Variants in CELSR1 observed in about 807,000 individuals in gnomAD.
CELSR1 encodes the protein cadherin EGF LAG seven-pass G-type receptor 1, also known as adhesion G protein-coupled receptor C1.
CELSR1 carries 110 observed loss-of-function variants against 249.1 expected under a neutral mutation model. The observed-to-expected ratio is 0.44, with a 90% CI of 0.38 to 0.52. The LOEUF is 0.52. Ranked by LOEUF, CELSR1 falls within the 20% of genes least tolerant of loss-of-function variation. CELSR1 has a pLI of 0.00. For synonymous variants in CELSR1, 2,113 were observed against 1,900.0 expected, an observed-to-expected ratio of 1.11 and a Z score of -2.92; for missense variants, 4,109 against 4,296.4, an observed-to-expected ratio of 0.96 and a Z score of 1.22.
At position 46,441,790 on chromosome 22, in the gene CELSR1, G is replaced by T. The variant is rs2079752970; in HGVS notation, c.4184-2379C>A. Among the ~76,000 whole-genome samples the T allele has an allele frequency of 6.6e-6, 1 of 152,204 alleles. No individual in the cohort carries two copies. Among genetic ancestry groups the T allele is most frequent in the Non-Finnish European group, 1.5e-5 (1 of 68,040 alleles). Reference sequence around the variant, plus strand: ...ATTTATGAGGGCACCATTCTGTCCAGAGCAGATATGTATGAGACAACTGGC... The same window carrying T: ...ATTTATGAGGGCACCATTCTGTCCATAGCAGATATGTATGAGACAACTGGC... On this transcript the variant is annotated intron_variant, in intron 2 of 34. Transcript: ENST00000674500. This position sits in a 1 kb window ranked among gnomAD's most constrained non-coding sequence, Gnocchi z 6.1.
chr22:46,500,788 G>A lies in CELSR1; in HGVS notation c.3544+32839C>T, dbSNP rs542612009. ...CGTGTCCCCACAACTGGAGCTGCCCGGGAGGCCAGCAGCAGGTCAGGCCAC... is the reference window on the plus strand; with the variant it reads ...CGTGTCCCCACAACTGGAGCTGCCCAGGAGGCCAGCAGCAGGTCAGGCCAC... On this transcript the variant is annotated intron_variant, in intron 1 of 34. Transcript: ENST00000674500. This position sits in a 1 kb window ranked among gnomAD's most constrained non-coding sequence, Gnocchi z 4.9. Among the ~76,000 whole-genome samples the A allele has an allele frequency of 3.3e-5, 5 of 152,264 alleles. No individual in the cohort carries two copies. The highest frequency in any genetic ancestry group is 4.1e-4 in the South Asian group (2 of 4,826).
At position 46,430,940 on chromosome 22, in the gene CELSR1, G is replaced by A. The variant is rs760007402; in HGVS notation, c.4611+2453C>T. ...CTAACACATCCTAGTGTGTGGCCCC[G>A]TCAGACCTCCTAATGGACGCCTGAA... On this transcript the variant is annotated intron_variant, in intron 5 of 34. Coordinates refer to ENST00000674500, the MANE Select transcript of CELSR1 (RefSeq NM_001378328.1). This position sits in a 1 kb window ranked among gnomAD's most constrained non-coding sequence, Gnocchi z 4.6. 2.0e-5 allele frequency among the ~76,000 whole-genome samples: 3 copies of A among 152,186 alleles called. No homozygotes were observed. Among genetic ancestry groups the A allele is most frequent in the Non-Finnish European group, 1.5e-5 (1 of 68,038 alleles).
rs538910408 is a variant in CELSR1 at position 46,463,818 on chromosome 22, C to T, written c.4072G>A (p.Asp1358Asn). ...AGGTCGATCTCCGTCTCGCAGTAGT[C>T]GCCGGTGAAGCCGGGCGGGCAGCGG... Reference protein sequence around the residue: ...RCRCPPGFTGDYCETEIDLCY... With the variant: ...RCRCPPGFTGNYCETEIDLCY... The change falls in exon 2 of 35, where the codon GAC becomes AAC. Residue 1358 changes from aspartate (D) to asparagine (N), a missense_variant. Physicochemically the swap from Asp to Asn is conservative, Grantham distance 23. Around this residue, in one of 7 missense-constraint regions of CELSR1, gnomAD observed 453 missense variants for 492.0 expected, o/e 0.92. Coordinates refer to ENST00000674500, the MANE Select transcript of CELSR1 (RefSeq NM_001378328.1). The T allele has an allele frequency of 2.5e-6, 4 of 1,610,740 alleles. No homozygotes were observed. The highest frequency in any genetic ancestry group is 2.2e-5 in the South Asian group (2 of 90,546).
chr22:46,478,612 G>A (rs1327323997), intron 1 of CELSR1, among the ~76,000 whole-genome samples: 4 of 151,374 alleles, frequency 2.6e-5, no homozygotes, highest in Non-Finnish European at 4.4e-5. Context: ...GTGCGATCTC[G>A]GCTCACTGCA....
At chr22:46,496,631 T>C (rs1452407720) in intron 1 of CELSR1, among the ~76,000 whole-genome samples, 1 of 151,530 alleles carries the variant, frequency 6.6e-6, no homozygotes, top group African/African-American at 2.4e-5. Context: ...CTATTAATTT[T>C]TTTTTTTTAC....
intron 2 of CELSR1, among the ~76,000 whole-genome samples, chr22:46,457,420 C>A (rs1217054386): frequency 2.0e-5 from 3 of 152,126 alleles, no homozygotes; most frequent in African/African-American, 7.2e-5. Context: ...TCAACCCTAA[C>A]AAAGCAGCCC....
chr22:46,397,128 G>T (rs933471943), intron 12 of CELSR1, among the ~76,000 whole-genome samples: 4 of 152,080 alleles, frequency 2.6e-5, no homozygotes, highest in Non-Finnish European at 5.9e-5. Context: ...TTATTGAGAA[G>T]AGTCTTGCTC....
In CELSR1 at chr22:46,380,645, A is replaced by G. The variant is rs1362078974; in HGVS notation, c.7256+143T>C. ...CCCACAGAAGCAGAGCAGGAGGCTC[A>G]CTGCCCCCACGGGGGACTTAAAGGG... On this transcript the variant is annotated intron_variant, in intron 22 of 34. Transcript: ENST00000674500. This position sits in a 1 kb window ranked among gnomAD's most constrained non-coding sequence, Gnocchi z 5.1. 1 of 897,010 alleles carries G rather than the reference A, an allele frequency of 1.1e-6. No homozygotes were observed. 55.6% of individuals were successfully genotyped at this position (897,010 alleles called of 1,614,324 possible).
At position 46,536,084 on chromosome 22, in the gene CELSR1, G is replaced by A. The variant is rs2080851655; in HGVS notation, c.1087C>T (p.Arg363Trp). 1 of 1,611,564 alleles carries A rather than the reference G, an allele frequency of 6.2e-7. No homozygotes were observed. Among genetic ancestry groups the A allele is most frequent in the Non-Finnish European group, 8.5e-7 (1 of 1,179,962 alleles). ...TCGTAGCCCACCTCCAGGTTCTCCC[G>A]CACGCGCTCGCGGTACTCCGACTGC... ...FEQSEYRERV[R>W]ENLEVGYEVL... Residue 363 changes from arginine (R) to tryptophan (W), a missense_variant, in exon 1 of 35, where the codon CGG (arginine) becomes TGG (tryptophan). Coordinates refer to ENST00000674500, the MANE Select transcript of CELSR1 (RefSeq NM_001378328.1).
At chr22:46,465,740 C>T (rs2080089721) in intron 1 of CELSR1, among the ~76,000 whole-genome samples, 2 of 152,246 alleles carry the variant, frequency 1.3e-5, no homozygotes, top group Non-Finnish European at 2.9e-5. Context: ...CTGCAGAAGC[C>T]ACAGATGCGT....
rs565810573 is a variant in CELSR1, at chr22:46,376,024, TG to T, written c.7584+1036del. 8.5e-5 allele frequency among the ~76,000 whole-genome samples: 13 copies of T among 152,230 alleles called. No homozygotes were observed. The East Asian group carries it at 2.5e-3, about 29-fold the overall frequency. On this transcript the variant is annotated intron_variant, in intron 24 of 34. Transcript: ENST00000674500. ...GTGGTGAACGTGAGTGGGTTCCTGA[TG>T]TTACAGGGGATGCCTCCAGTATCTT...
rs1003275036 is a variant in CELSR1 at position 46,472,912 on chromosome 22, C to T, written c.3545-8567G>A. 6.6e-6 allele frequency among the ~76,000 whole-genome samples: 1 copy of T among 152,324 alleles called. No homozygotes were observed. Among genetic ancestry groups the T allele is most frequent in the Middle Eastern group, 3.4e-3 (1 of 294 alleles). On this transcript the variant is annotated intron_variant, in intron 1 of 34. Transcript: ENST00000674500. This position sits in a 1 kb window ranked among gnomAD's most constrained non-coding sequence, Gnocchi z 7.0. ...CGGCTCTGTCTTCTGTTCACCGCAC[C>T]GGAAGCCAGTACAGCCTCATGTCAA...
intron 22 of CELSR1, among the ~76,000 whole-genome samples, chr22:46,379,913 G>T (rs2078958577): frequency 1.3e-5 from 2 of 152,190 alleles, no homozygotes; most frequent in Non-Finnish European, 2.9e-5. Context: ...CGGCAACAGG[G>T]CCCTTCCCAC....
rs749147389 is a variant in CELSR1, at chr22:46,408,977, G to A, written c.5226+19C>T. ...GCACCCACCTAGCAGGTGCCTTGGT[G>A]GCACGGGGCCCCAGTCACCTGGAGG... On this transcript the variant is annotated intron_variant, in intron 9 of 34. Coordinates refer to ENST00000674500, the MANE Select transcript of CELSR1 (RefSeq NM_001378328.1). The surrounding 1 kb of genome is among the most constrained non-coding windows in gnomAD (Gnocchi z 4.6). 6.3e-6 allele frequency: 10 copies of A among 1,587,476 alleles called. No individual in the cohort carries two copies. The highest frequency in any genetic ancestry group is 3.6e-5 in the Admixed American group (2 of 56,050).
chr22:46,386,641 G>A (rs2079037362), intron 18 of CELSR1, 56 bp from the exon 19 acceptor site: 13 of 1,432,966 alleles, frequency 9.1e-6, no homozygotes, highest in African/African-American at 4.3e-5. Context: ...CTCGTGGGAC[G>A]GAGGGACACC....
Position 46,381,936 on chromosome 22 carries a change from G to T in CELSR1, c.6998C>A (p.Ala2333Asp). The change falls in exon 21 of 35, where the codon GCT becomes GAT. Residue 2333 changes from alanine (A) to aspartate (D), a missense_variant. Ala to Asp is a moderately radical substitution (Grantham distance 126, BLOSUM62 -2). Around this residue, in one of 7 missense-constraint regions of CELSR1, gnomAD observed 1,805 missense variants for 1,831.6 expected, o/e 0.99. Transcript: ENST00000674500. The surrounding 1 kb of genome is among the most constrained non-coding windows in gnomAD (Gnocchi z 6.0). ...ISRRRRHPDD[A>D]GQFAVALVII... ...GACCAGAGCGACGGCGAACTGGCCAGCGTCATCAGGGTGTCGCCTCCGCCT... is the reference window on the plus strand; with the variant it reads ...GACCAGAGCGACGGCGAACTGGCCATCGTCATCAGGGTGTCGCCTCCGCCT... 6.4e-7 allele frequency: 1 copy of T among 1,568,700 alleles called. No homozygotes were observed.
At chr22:46,415,968 G>A (rs188683052) in intron 5 of CELSR1, among the ~76,000 whole-genome samples, 98 of 152,348 alleles carry the variant, frequency 6.4e-4, no homozygotes, top group African/African-American at 2.2e-3. Context: ...AGCACGAGGC[G>A]GCGGCAGAGA....
intron 24 of CELSR1, among the ~76,000 whole-genome samples, chr22:46,373,478 G>A (rs1049380432): frequency 1.0e-4 from 14 of 134,002 alleles, no homozygotes; most frequent in Non-Finnish European, 1.8e-4. Context: ...CACACCCAGT[G>A]CTCTGGGGTG....
chr22:46,476,322 G>A lies in CELSR1; in HGVS notation c.3545-11977C>T, dbSNP rs151033461. On this transcript the variant is annotated intron_variant, in intron 1 of 34. Transcript: ENST00000674500. Reference sequence around the variant, plus strand: ...GCCATAAAGAGGAAGTAGGCTGGGCGCGGTGGCTCATGCCTGTAATCCCAG... The same window carrying A: ...GCCATAAAGAGGAAGTAGGCTGGGCACGGTGGCTCATGCCTGTAATCCCAG... Among the ~76,000 whole-genome samples, 211 of 152,216 alleles carry A rather than the reference G, an allele frequency of 1.4e-3. 4 individuals are homozygous for A. In the East Asian group the frequency reaches 0.032, roughly 23 times the overall value.
Sources: allele counts gnomAD v4.1 joint callset (sites outside exome capture counted in the v4.1 genomes callset), GRCh38; gene constraint gnomAD v4.1.1; regional missense constraint gnomAD v4.1.1; non-coding constraint Gnocchi (gnomAD v3.1); transcripts MANE v1.5; gene names NCBI Gene and HGNC (gene_info 2026-07-23, HGNC 2026-07-21).